ZFHX3: variants seen among roughly 807,000 people sequenced by gnomAD.
ZFHX3 encodes zinc finger homeobox protein 3.
A neutral mutation model predicts 279.1 loss-of-function variants in ZFHX3; 42 were observed. The ratio of observed to expected loss-of-function variants is 0.15; its 90% CI spans 0.12 to 0.19. The LOEUF (loss-of-function observed/expected upper bound fraction) is 0.19. Among genes scored for constraint, ZFHX3 ranks in the 10% least tolerant of loss-of-function variants. The pLI, the probability that ZFHX3 is intolerant of heterozygous loss-of-function variation, is 1.00. For synonymous variants in ZFHX3, 2,293 were observed against 1,957.8 expected, an observed-to-expected ratio of 1.17 and a Z score of -4.52; for missense variants, 4,981 against 4,754.0, an observed-to-expected ratio of 1.05 and a Z score of -1.40.
At chr16:73,641,043 TTAAACAA>T (rs1478848326) in intron 2 of ZFHX3, among the ~76,000 whole-genome samples, 3 of 152,188 alleles carry the variant, frequency 2.0e-5, no homozygotes, top group East Asian at 3.8e-4. Flanking sequence ...GGGAAGTACC[TTAAACAA>T]TATGAGGTAA....
intron 2 of ZFHX3, among the ~76,000 whole-genome samples, chr16:73,566,708 T>C (rs893572098): frequency 2.1e-5 from 3 of 143,728 alleles, no homozygotes; most frequent in African/African-American, 8.2e-5. Context: ...TTTTTTTTTT[T>C]TTGGAGACAG....
intron 1 of ZFHX3, chr16:72,973,345 T>A (rs1028322346): frequency 6.6e-6 from 1 of 152,246 alleles, no homozygotes; most frequent in African/African-American, 2.4e-5. Flanking sequence ...ACATTCAAAC[T>A]GAAACTCTCC....
chr16:73,256,303 A>C (rs142537687), intron 5 of ZFHX3, among the ~76,000 whole-genome samples: 1 of 152,276 alleles, frequency 6.6e-6, no homozygotes, highest in Admixed American at 6.5e-5. Context: ...TCAGATGCTG[A>C]CCTTGCTACA....
chr16:72,960,125 G>C lies in ZFHX3; in HGVS notation c.21C>G (p.Pro7=), dbSNP rs142591772. 2.5e-6 allele frequency: 4 copies of C among 1,586,874 alleles called. No individual in the cohort carries two copies. Among genetic ancestry groups the C allele is most frequent in the Middle Eastern group, 1.7e-4 (1 of 5,934 alleles). Residue 7 remains proline, a synonymous_variant, in exon 2 of 10, where the codon CCC becomes CCG. Transcript: ENST00000268489. ...ACCCATTGTCCTTCCCCGAGACGACGGGCGAGTCACAGCCTTCCATGGTAA... is the reference window on the plus strand; with the variant it reads ...ACCCATTGTCCTTCCCCGAGACGACCGGCGAGTCACAGCCTTCCATGGTAA... The part of the protein sequence containing the change: MEGCDS[P]VVSGKDNGCG...
intron 2 of ZFHX3, among the ~76,000 whole-genome samples, chr16:73,591,256 G>C (rs2051992210): frequency 6.6e-6 from 1 of 152,048 alleles, no homozygotes; most frequent in Non-Finnish European, 1.5e-5. Flanking sequence ...AGGAGGCTGA[G>C]GCAGGAGAAT....
At chr16:73,660,387 C>G (rs754104907) in intron 2 of ZFHX3, among the ~76,000 whole-genome samples, 1 of 152,144 alleles carries the variant, frequency 6.6e-6, no homozygotes, top group Non-Finnish European at 1.5e-5. Flanking sequence ...ATTTAAATTA[C>G]TGTGTATGAA....
At chr16:73,074,124 C>A (rs922665479) in intron 8 of ZFHX3, among the ~76,000 whole-genome samples, 1 of 152,162 alleles carries the variant, frequency 6.6e-6, no homozygotes, top group East Asian at 1.9e-4. Flanking sequence ...ACAAAGCAAC[C>A]AACCCAGTAG....
intron 3 of ZFHX3, among the ~76,000 whole-genome samples, chr16:73,435,272 G>T (rs746789980): frequency 6.6e-6 from 1 of 152,066 alleles, no homozygotes; most frequent in African/African-American, 2.4e-5. Flanking sequence ...GCAGTGATGC[G>T]ATCTCGGCTC....
chr16:73,323,461 G>A (rs2015621246), intron 3 of ZFHX3, among the ~76,000 whole-genome samples: 1 of 152,164 alleles, frequency 6.6e-6, no homozygotes, highest in Admixed American at 6.5e-5. Context: ...GCAGTGTCTG[G>A]TGCTATCATT....
At position 72,793,840 on chromosome 16, in the gene ZFHX3, G is replaced by A. The variant is rs2143388489; in HGVS notation, c.8842C>T (p.Arg2948Cys). The part of the protein sequence containing the change: ...GDSGDRPGQK[R>C]FRTQMTNLQL... ...AGATTGGTCATTTGAGTGCGAAAAC[G>A]TTTCTGCCCAGGCCGATCTCCGCTG... Residue 2948 changes from arginine (R) to cysteine (C), a missense_variant, in exon 9 of 10, where the codon CGT becomes TGT. Coordinates refer to ENST00000268489, the MANE Select transcript of ZFHX3 (RefSeq NM_006885.4). The surrounding 1 kb of genome is among the most constrained non-coding windows in gnomAD (Gnocchi z 4.3). The A allele has an allele frequency of 6.2e-7, 1 of 1,614,138 alleles. No homozygotes were observed. Among genetic ancestry groups the A allele is most frequent in the Non-Finnish European group, 8.5e-7 (1 of 1,180,038 alleles).
intron 5 of ZFHX3, among the ~76,000 whole-genome samples, chr16:73,230,599 C>T (rs1348508425): frequency 6.6e-6 from 1 of 152,122 alleles, no homozygotes; most frequent in Non-Finnish European, 1.5e-5. Context: ...AAAGTCATCC[C>T]TTTTTGCCTC....
chr16:73,299,051 C>A (rs1009229934), intron 4 of ZFHX3, among the ~76,000 whole-genome samples: 2 of 152,178 alleles, frequency 1.3e-5, no homozygotes, highest in South Asian at 4.1e-4. Context: ...AGTCTCTAAA[C>A]TGACTAATTT....
chr16:73,031,368 G>A (rs957618050), intron 1 of ZFHX3, among the ~76,000 whole-genome samples: 5 of 152,140 alleles, frequency 3.3e-5, no homozygotes, highest in Non-Finnish European at 7.4e-5. Context: ...CGAAGTTCCC[G>A]AGTGTTTCTA....
chr16:73,545,951 A>T (rs187741740), intron 2 of ZFHX3, among the ~76,000 whole-genome samples: 114 of 152,286 alleles, frequency 7.5e-4, no homozygotes, highest in Non-Finnish European at 1.3e-3. Flanking sequence ...AGCCTAAACA[A>T]TGACGGCTTC....
At chr16:73,271,637 T>C (rs563806349) in intron 4 of ZFHX3, among the ~76,000 whole-genome samples, 1 of 152,358 alleles carries the variant, frequency 6.6e-6, no homozygotes, top group Admixed American at 6.5e-5. Flanking sequence ...AACAGCTGTA[T>C]AGCTTTCAAA....
chr16:72,823,369 T>G (rs2036847880), intron 5 of ZFHX3, among the ~76,000 whole-genome samples: 2 of 152,104 alleles, frequency 1.3e-5, no homozygotes, highest in Non-Finnish European at 2.9e-5. Flanking sequence ...GGTGGTGGTG[T>G]TGAATGGCCT....
chr16:73,352,657 T>C (rs532360571), intron 3 of ZFHX3, among the ~76,000 whole-genome samples: 3 of 151,602 alleles, frequency 2.0e-5, no homozygotes, highest in Non-Finnish European at 2.9e-5. Flanking sequence ...TTTAAAAAAG[T>C]TTTTTGGGGT....
At chr16:73,405,501 T>C (rs1041910639) in intron 3 of ZFHX3, among the ~76,000 whole-genome samples, 1 of 152,190 alleles carries the variant, frequency 6.6e-6, no homozygotes, top group African/African-American at 2.4e-5. Flanking sequence ...TTTCAGTGGA[T>C]TGATCTCATC....
intron 1 of ZFHX3, among the ~76,000 whole-genome samples, chr16:73,020,665 T>C (rs573231300): frequency 7.0e-4 from 106 of 152,334 alleles, no homozygotes; most frequent in African/African-American, 2.3e-3. Context: ...ACCTCCAATG[T>C]TGAGTTTGAC....
Sources: gnomAD v4.1 joint callset for allele counts (sites outside exome capture counted in the v4.1 genomes callset) on GRCh38, gnomAD v4.1.1 for gene constraint, Gnocchi (gnomAD v3.1) non-coding constraint, MANE v1.5 for transcripts, NCBI Gene and HGNC (gene_info 2026-07-23, HGNC 2026-07-21) for gene names.